The following ADCY3 variants were observed in gnomAD, a reference collection of about 807,000 sequenced individuals.
ADCY3 encodes the protein adenylate cyclase 3.
ADCY3 carries 70 observed loss-of-function variants against 119.4 expected under a neutral mutation model. The observed-to-expected ratio is 0.59, with a 90% CI of 0.48 to 0.72. The LOEUF is 0.72. ADCY3 is among the 30% of genes least tolerant of loss of function. ADCY3 has a pLI of 0.00. For synonymous variants in ADCY3, 672 were observed against 621.4 expected (o/e 1.08, Z -1.21); for missense variants, 1,238 against 1,541.6 (o/e 0.80, Z 3.30).
At chr2:24,852,053 G>A (rs925552988) in intron 3 of ADCY3, among the ~76,000 whole-genome samples, 7 of 152,188 alleles carry the variant, frequency 4.6e-5, no homozygotes, top group Admixed American at 1.3e-4. Context: ...GACCCAGACC[G>A]AAGCCCTGGT....
At chr2:24,876,895 G>T (rs886955923) in intron 2 of ADCY3, among the ~76,000 whole-genome samples, 1 of 152,186 alleles carries the variant, frequency 6.6e-6, no homozygotes, top group Admixed American at 6.5e-5. Context: ...TAATTTTCCG[G>T]TGTTCCCACT....
chr2:24,827,456 G>A, intron 15 of ADCY3, 90 bp downstream of exon 15: 2 of 1,416,870 alleles, frequency 1.4e-6, no homozygotes, highest in East Asian at 2.5e-5. Context: ...CTCCCGGGAG[G>A]GTGAGATCCC....
At chr2:24,821,033 A>G in intron 20 of ADCY3, 185 bp from the exon 21 acceptor site, 1 of 821,784 alleles carries the variant, frequency 1.2e-6, no homozygotes, top group Non-Finnish European at 1.8e-6. Context: ...TGTGCTTGTT[A>G]GGTGTCAGCC....
rs150896433 is a variant in ADCY3 at position 24,906,387 on chromosome 2, G to A, written c.675+11926C>T. ...TATCCCAAATTTGTCCCTGGAGATG[G>A]GCAATATGATATTAACAACTACAAG... On this transcript the variant is annotated intron_variant, in intron 2 of 21. Coordinates refer to ENST00000679454, the MANE Select transcript of ADCY3 (RefSeq NM_004036.5). Among the ~76,000 whole-genome samples the A allele has an allele frequency of 8.5e-5, 13 of 152,304 alleles. No individual in the cohort carries two copies. The East Asian group carries it at 2.5e-3, about 29-fold the overall frequency.
chr2:24,917,930 T>G (rs1426953112), intron 2 of ADCY3, among the ~76,000 whole-genome samples: 3 of 152,190 alleles, frequency 2.0e-5, no homozygotes, highest in Non-Finnish European at 4.4e-5. Flanking sequence ...TAGTCAGTGC[T>G]GGGGAGAGAT....
Position 24,821,502 on chromosome 2 carries a change from G to T in ADCY3, c.3127+15C>A. 6.2e-7 allele frequency: 1 copy of T among 1,613,404 alleles called. No homozygotes were observed. The highest frequency in any genetic ancestry group is 8.5e-7 in the Non-Finnish European group (1 of 1,179,616). On this transcript the variant is annotated intron_variant, in intron 20 of 21. Coordinates refer to ENST00000679454, the MANE Select transcript of ADCY3 (RefSeq NM_004036.5). Reference sequence around the variant, plus strand: ...AGGGAGCCTGCTGCGGGGCAGGCCAGCTGGGGGTGCTCACCTATGCGCAGC... The same window carrying T: ...AGGGAGCCTGCTGCGGGGCAGGCCATCTGGGGGTGCTCACCTATGCGCAGC...
intron 2 of ADCY3, among the ~76,000 whole-genome samples, chr2:24,912,146 G>A (rs962440431): frequency 1.3e-5 from 2 of 152,092 alleles, no homozygotes; most frequent in Non-Finnish European, 2.9e-5. Context: ...GCACATACCC[G>A]TGGAATCTAT....
In ADCY3 at chr2:24,823,362, A is replaced by C. The variant is rs764845615; in HGVS notation, c.2737-7T>G. 4.5e-5 allele frequency: 72 copies of C among 1,610,368 alleles called. No homozygotes were observed. The highest frequency in any genetic ancestry group is 6.0e-5 in the Non-Finnish European group (71 of 1,178,988). On this transcript the variant is annotated splice_polypyrimidine_tract_variant and splice_region_variant and intron_variant, in intron 17 of 21. Transcript: ENST00000679454. ...ACGTCTGGCTATACAGCTCCTAAAA[A>C]GAGGTGCGGACAACGTGCTCAAAGC...
chr2:24,848,785 G>A (rs1350352552), intron 3 of ADCY3, among the ~76,000 whole-genome samples: 1 of 152,220 alleles, frequency 6.6e-6, no homozygotes, highest in African/African-American at 2.4e-5. Flanking sequence ...AGGGCTTAAT[G>A]TTCCTCTGGG....
In ADCY3 at chr2:24,831,783, G is replaced by A. The variant is rs747875770; in HGVS notation, c.1968-34C>T. ...GAGAGAAGACAATTGGGAGAGGCCA[G>A]AGGGGACAGTGAGATGGGGTGAGGG... is the stretch of plus-strand genomic sequence containing the variant. On this transcript the variant is annotated intron_variant, in intron 11 of 21. Coordinates refer to ENST00000679454, the MANE Select transcript of ADCY3 (RefSeq NM_004036.5). 5.4e-5 allele frequency: 82 copies of A among 1,529,668 alleles called. No individual in the cohort carries two copies. The Admixed American group carries it at 1.4e-3, about 26-fold the overall frequency. 94.8% of individuals were successfully genotyped at this position (1,529,668 alleles called of 1,614,324 possible). A position where few individuals can be genotyped will look rare whatever the true frequency, so the allele number is the denominator to read the frequency against.
chr2:24,857,940 C>T (rs1394901198), intron 3 of ADCY3, among the ~76,000 whole-genome samples: 1 of 151,566 alleles, frequency 6.6e-6, no homozygotes, highest in Non-Finnish European at 1.5e-5. Flanking sequence ...CTGTTCTGCT[C>T]ACAACTGTAT....
intron 2 of ADCY3, among the ~76,000 whole-genome samples, chr2:24,905,872 G>A (rs1368791536): frequency 6.6e-6 from 1 of 152,172 alleles, no homozygotes; most frequent in Non-Finnish European, 1.5e-5. Context: ...TGGTAAGTGG[G>A]GGAGCTCCTG....
intron 2 of ADCY3, among the ~76,000 whole-genome samples, chr2:24,914,888 T>C (rs550592173): frequency 6.6e-6 from 1 of 152,174 alleles, no homozygotes; most frequent in South Asian, 2.1e-4. Flanking sequence ...CATTAACTCA[T>C]TGGTGGGGCC....
intron 3 of ADCY3, among the ~76,000 whole-genome samples, chr2:24,867,558 A>G (rs1674449580): frequency 6.6e-6 from 1 of 152,208 alleles, no homozygotes; most frequent in Admixed American, 6.5e-5. Flanking sequence ...TTCTTTATAA[A>G]TTACCCAGTT....
Position 24,842,318 on chromosome 2 carries a change from C to T in ADCY3, c.892G>A (p.Asp298Asn). The stretch of plus-strand genomic sequence containing the variant: ...TGCTGCTGGTCCTTCTGGCTCTCGT[C>T]TTTCTTCATGTCTTTCAGCATCTCG... ...ADEMLKDMKK[D>N]ESQKDQQQFN... is the part of the protein sequence containing the mutation. Residue 298 changes from aspartate to asparagine, a missense_variant, in exon 4 of 22, where the codon GAC becomes AAC. Transcript: ENST00000679454. The surrounding 1 kb of genome is among the most constrained non-coding windows in gnomAD (Gnocchi z 4.9). 1 of 1,614,120 alleles carries T rather than the reference C, an allele frequency of 6.2e-7. No homozygotes were observed. The highest frequency in any genetic ancestry group is 8.5e-7 in the Non-Finnish European group (1 of 1,180,026).
rs113191127 is a variant in ADCY3 at position 24,854,974 on chromosome 2, C to T, written c.826-12590G>A. On this transcript the variant is annotated intron_variant, in intron 3 of 21. Coordinates refer to ENST00000679454, the MANE Select transcript of ADCY3 (RefSeq NM_004036.5). ...CTGAAACACGAGAATCGCTTGAACC[C>T]GGGAGAGAGAGGCTGCAGTGAACTG... Among the ~76,000 whole-genome samples, 1,031 of 152,174 alleles carry T rather than the reference C, an allele frequency of 6.8e-3. 5 individuals are homozygous for T. The highest frequency in any genetic ancestry group is 0.023 in the African/African-American group (970 of 41,506).
chr2:24,870,100 CAG>C (rs1307692873), intron 3 of ADCY3, among the ~76,000 whole-genome samples: 32 of 151,224 alleles, frequency 2.1e-4, no homozygotes, highest in Admixed American at 9.2e-4. Context: ...CACCTGAGGT[CAG>C]GAGTTTTGAG....
At chr2:24,865,726 C>A (rs1674209401) in intron 3 of ADCY3, among the ~76,000 whole-genome samples, 2 of 152,142 alleles carry the variant, frequency 1.3e-5, no homozygotes, top group Admixed American at 1.3e-4. Context: ...GGCCAACCCT[C>A]CAGCCAAGAA....
At chr2:24,850,740 C>T (rs1220142332) in intron 3 of ADCY3, among the ~76,000 whole-genome samples, 1 of 152,170 alleles carries the variant, frequency 6.6e-6, no homozygotes, top group African/African-American at 2.4e-5. Flanking sequence ...AACTGTAAGT[C>T]GCCCAAATAC....
Sources: gnomAD v4.1 joint callset for allele counts (sites outside exome capture counted in the v4.1 genomes callset) on GRCh38, gnomAD v4.1.1 for gene constraint, Gnocchi (gnomAD v3.1) non-coding constraint, MANE v1.5 for transcripts, NCBI Gene and HGNC (gene_info 2026-07-23, HGNC 2026-07-21) for gene names.